The following CREBBP variants were observed in gnomAD, a reference collection of about 807,000 sequenced individuals.
The protein encoded by CREBBP is CREB-binding protein.
A neutral mutation model predicts 265.0 loss-of-function variants in CREBBP; 19 were observed. The ratio of observed to expected loss-of-function variants is 0.07; its 90% CI spans 0.05 to 0.11. The LOEUF is 0.11. Among genes scored for constraint, CREBBP ranks in the 10% least tolerant of loss-of-function variants. The pLI, the probability that CREBBP is intolerant of heterozygous loss-of-function variation, is 1.00. For missense variants in CREBBP, 2,525 were observed against 3,219.0 expected (o/e 0.78, Z 5.22); for synonymous variants, 1,457 against 1,223.7 (o/e 1.19, Z -3.98).
Position 3,745,305 on chromosome 16 carries a change from G to C in CREBBP, c.3886C>G (p.Leu1296Val), listed in dbSNP as rs770721212. The C allele has an allele frequency of 6.2e-7, 1 of 1,614,080 alleles. No individual in the cohort carries two copies. The highest frequency in any genetic ancestry group is 2.2e-5 in the East Asian group (1 of 44,884). Residue 1296 changes from leucine to valine, a missense_variant, in exon 22 of 31, where the codon CTG (leucine) becomes GTG (valine). Leu to Val is a conservative substitution (Grantham distance 32, BLOSUM62 1). Coordinates refer to ENST00000262367, the MANE Select transcript of CREBBP (RefSeq NM_004380.3). The stretch of plus-strand genomic sequence containing the variant: ...GAAGGCCAAATGATGTCATAGTGCA[G>C]AACGCAAATCTGATGCATCTTCCGG... ...CGRKMHQICV[L>V]HYDIIWPSGF...
chr16:3,870,853 C>CA (rs1352294708), intron 1 of CREBBP, among the ~76,000 whole-genome samples: 2 of 152,042 alleles, frequency 1.3e-5, no homozygotes, highest in African/African-American at 4.8e-5. Context: ...CCAAGATAAT[C>CA]AAAGTAAGCA....
intron 2 of CREBBP, among the ~76,000 whole-genome samples, chr16:3,831,198 G>C (rs973792438): frequency 1.3e-5 from 2 of 152,162 alleles, no homozygotes; most frequent in Admixed American, 1.3e-4. Context: ...ACACAGTGGA[G>C]TTAAAAACCA....
chr16:3,746,651 C>A (rs957249250), intron 21 of CREBBP, among the ~76,000 whole-genome samples: 2 of 152,122 alleles, frequency 1.3e-5, no homozygotes, highest in African/African-American at 4.8e-5. Context: ...GAGTGTCCCC[C>A]AAAACTACAC....
At chr16:3,736,413 G>A in intron 27 of CREBBP, 1 of 747,966 alleles carries the variant, frequency 1.3e-6, no homozygotes, top group East Asian at 2.7e-5. Context: ...GTGATGCACA[G>A]GCCCCAATGC....
intron 5 of CREBBP, among the ~76,000 whole-genome samples, chr16:3,788,092 G>A (rs998365694): frequency 6.6e-6 from 1 of 152,318 alleles, no homozygotes; most frequent in East Asian, 1.9e-4. Context: ...CATGGCTGAC[G>A]CAGCCGGGAC....
chr16:3,732,955 C>A (rs572686349), intron 28 of CREBBP, among the ~76,000 whole-genome samples: 84 of 152,190 alleles, frequency 5.5e-4, no homozygotes, highest in African/African-American at 2.0e-3. Flanking sequence ...CCGCCTGAGC[C>A]TCCCAAAGTG....
Position 3,764,263 on chromosome 16 carries a change from C to T in CREBBP, c.3250+3457G>A, listed in dbSNP as rs994890868. Among the ~76,000 whole-genome samples, 4 of 151,628 alleles carry T rather than the reference C, an allele frequency of 2.6e-5. No homozygotes were observed. In the East Asian group the frequency reaches 5.8e-4, roughly 22 times the overall value. On this transcript the variant is annotated intron_variant, in intron 16 of 30. Coordinates refer to ENST00000262367, the MANE Select transcript of CREBBP (RefSeq NM_004380.3). ...CTTGGATTATAGGCATGAGCCACTGCTCCCAGCCAAGAAAAAATATTCTTT... is the reference window on the plus strand; with the variant it reads ...CTTGGATTATAGGCATGAGCCACTGTTCCCAGCCAAGAAAAAATATTCTTT...
chr16:3,854,806 T>G (rs1184903343), intron 1 of CREBBP, among the ~76,000 whole-genome samples: 1 of 152,200 alleles, frequency 6.6e-6, no homozygotes, highest in Non-Finnish European at 1.5e-5. Flanking sequence ...CTCTTGTCAG[T>G]CTAGAAAACC....
intron 2 of CREBBP, among the ~76,000 whole-genome samples, chr16:3,842,471 C>G (rs377447592): frequency 6.6e-6 from 1 of 152,034 alleles, no homozygotes; most frequent in African/African-American, 2.4e-5. Flanking sequence ...AGAACATGCT[C>G]CCCTCATAAG....
At chr16:3,730,474 C>G (rs959848709) in intron 30 of CREBBP, 1 of 159,118 alleles carries the variant, frequency 6.3e-6, no homozygotes, top group African/African-American at 2.4e-5. Context: ...CTGCTCGCAC[C>G]TGGCAACCTG....
At chr16:3,800,113 AC>A (rs1347780224) in intron 3 of CREBBP, among the ~76,000 whole-genome samples, 2 of 152,228 alleles carry the variant, frequency 1.3e-5, no homozygotes, top group Non-Finnish European at 2.9e-5. Context: ...CCTCACTATT[AC>A]CAGTAAAAAT....
intron 2 of CREBBP, among the ~76,000 whole-genome samples, chr16:3,849,420 T>C (rs1662260577): frequency 1.5e-4 from 1 of 6,784 alleles, no homozygotes; most frequent in Non-Finnish European, 2.6e-3. Flanking sequence ...TGTGTGTGTG[T>C]GTGTGTGTGT....
chr16:3,769,056 C>G, intron 15 of CREBBP, 118 bp downstream of exon 15: 1 of 1,219,914 alleles, frequency 8.2e-7, no homozygotes, highest in Non-Finnish European at 1.2e-6. Flanking sequence ...AACCCACATT[C>G]AAACAGAATA....
chr16:3,811,029 C>G (rs1397810212), intron 2 of CREBBP, among the ~76,000 whole-genome samples: 3 of 152,036 alleles, frequency 2.0e-5, no homozygotes, highest in African/African-American at 7.3e-5. Flanking sequence ...TCTCCTCACT[C>G]AATCCCTCCT....
intron 19 of CREBBP, among the ~76,000 whole-genome samples, chr16:3,756,812 C>A (rs745732232): frequency 2.0e-5 from 3 of 152,298 alleles, no homozygotes; most frequent in Middle Eastern, 3.4e-3. Context: ...TTGAAAAAGG[C>A]ATGTCAACCT....
intron 4 of CREBBP, among the ~76,000 whole-genome samples, chr16:3,792,472 A>T (rs942570188): frequency 1.3e-5 from 2 of 152,268 alleles, no homozygotes; most frequent in Admixed American, 1.3e-4. Context: ...AACCACCTAA[A>T]TACTACAGTG....
intron 1 of CREBBP, among the ~76,000 whole-genome samples, chr16:3,874,528 T>C (rs1329961018): frequency 1.3e-5 from 2 of 152,244 alleles, no homozygotes; most frequent in Non-Finnish European, 2.9e-5. Context: ...GGCTACTTTC[T>C]TGCTGAAATG....
chr16:3,751,613 T>A (rs935973060), intron 20 of CREBBP, 113 bp downstream of exon 20: 2 of 1,084,936 alleles, frequency 1.8e-6, no homozygotes, highest in Non-Finnish European at 1.4e-6. Context: ...CCAAAAAACA[T>A]TGCAAGGAAG....
intron 26 of CREBBP, among the ~76,000 whole-genome samples, chr16:3,737,705 C>A (rs2052100777): frequency 6.6e-6 from 1 of 151,390 alleles, no homozygotes; most frequent in Non-Finnish European, 1.5e-5. Context: ...CTCAGGTGAT[C>A]CACCTGCCTT....
Sources: allele counts gnomAD v4.1 joint callset (sites outside exome capture counted in the v4.1 genomes callset), GRCh38; gene constraint gnomAD v4.1.1; transcripts MANE v1.5; gene names NCBI Gene and HGNC (gene_info 2026-07-23, HGNC 2026-07-21).